TECPR2: variants seen among roughly 807,000 people sequenced by gnomAD.
TECPR2 encodes the protein tectonin beta-propeller repeat containing 2.
In TECPR2, 65 loss-of-function variants were observed where a neutral mutation model predicts 138.1. The observed-to-expected ratio is 0.47, with a 90% CI of 0.39 to 0.58. The LOEUF (loss-of-function observed/expected upper bound fraction) is 0.58. TECPR2 is among the 20% of genes least tolerant of loss of function. The pLI, the probability that TECPR2 is intolerant of heterozygous loss-of-function variation, is 0.00. For synonymous variants in TECPR2, 746 were observed against 749.8 expected, an observed-to-expected ratio of 0.99 and a Z score of 0.08; for missense variants, 1,553 against 1,824.5, an observed-to-expected ratio of 0.85 and a Z score of 2.71.
intron 17 of TECPR2, among the ~76,000 whole-genome samples, chr14:102,493,325 G>A (rs902120282): frequency 6.6e-6 from 1 of 152,034 alleles, no homozygotes; most frequent in Non-Finnish European, 1.5e-5. Context: ...TTCTCCACGC[G>A]GCCTTCCGAG....
chr14:102,447,128 G>A (rs1327362451), intron 13 of TECPR2, among the ~76,000 whole-genome samples: 2 of 152,192 alleles, frequency 1.3e-5, no homozygotes, highest in Non-Finnish European at 2.9e-5. Context: ...CCCAGCAAGA[G>A]CGCCTAGAAT....
rs1184951738 is a variant in TECPR2, at chr14:102,443,664, C to G, written c.2770C>G (p.Pro924Ala). Residue 924 changes from proline (P) to alanine (A), a missense_variant, in exon 12 of 20, where the codon CCT becomes GCT. Coordinates refer to ENST00000359520, the MANE Select transcript of TECPR2 (RefSeq NM_014844.5). The surrounding 1 kb of genome is among the most constrained non-coding windows in gnomAD (Gnocchi z 4.9). The part of the protein sequence containing the change: ...YLQTGLSVDR[P>A]CARAVKVDCP... ...CCTGGCAGGTCTGAGCGTGGATCGC[C>G]CTTGTGCCAGAGCCGTAAAGGTGGA... 5 of 1,598,566 alleles carry G rather than the reference C, an allele frequency of 3.1e-6. No individual in the cohort carries two copies. In the Admixed American group the frequency reaches 8.4e-5, roughly 27 times the overall value.
chr14:102,464,065 C>T (rs1890486587), intron 16 of TECPR2, among the ~76,000 whole-genome samples: 1 of 152,228 alleles, frequency 6.6e-6, no homozygotes, highest in African/African-American at 2.4e-5. Context: ...ACCTTAGATC[C>T]TCCTTTGCCT....
intron 2 of TECPR2, among the ~76,000 whole-genome samples, chr14:102,379,006 A>C (rs1416022437): frequency 6.6e-6 from 1 of 152,224 alleles, no homozygotes; most frequent in African/African-American, 2.4e-5. Context: ...TCGACTGATC[A>C]AATTCCCCAA....
At position 102,499,231 on chromosome 14, in the gene TECPR2, A is replaced by G. The variant is rs1473919293; in HGVS notation, c.*974A>G. On this transcript the variant is annotated 3_prime_UTR_variant, in exon 20 of 20. Transcript: ENST00000359520. ...CTGAGCAAGGGTCGCTCACTTAGAA[A>G]TGTCTTTGGAATGGTGTTTAACTAA... 2 of 687,172 alleles carry G rather than the reference A, an allele frequency of 2.9e-6. No homozygotes were observed. The highest frequency in any genetic ancestry group is 4.1e-5 in the Admixed American group (2 of 49,370). The allele number at this position is 687,172 out of a possible 1,614,324, so 42.6% of individuals were successfully genotyped here.
At chr14:102,389,376 T>C (rs1471216243) in intron 2 of TECPR2, among the ~76,000 whole-genome samples, 1 of 151,812 alleles carries the variant, frequency 6.6e-6, no homozygotes, top group African/African-American at 2.4e-5. Context: ...GCATATGAAA[T>C]TGTAGTGGGT....
chr14:102,382,409 C>G (rs1248013578), intron 2 of TECPR2, among the ~76,000 whole-genome samples: 1 of 152,110 alleles, frequency 6.6e-6, no homozygotes, highest in African/African-American at 2.4e-5. Flanking sequence ...CGTATATGTC[C>G]CTTAACAACA....
intron 17 of TECPR2, among the ~76,000 whole-genome samples, chr14:102,496,609 C>T (rs912826681): frequency 2.0e-5 from 3 of 152,170 alleles, no homozygotes; most frequent in East Asian, 3.9e-4. Flanking sequence ...GGCAGGGGCT[C>T]CTGGGCTGGC....
At chr14:102,452,730 A>G in intron 16 of TECPR2, 103 bp downstream of exon 16, 1 of 895,162 alleles carries the variant, frequency 1.1e-6, no homozygotes, top group Non-Finnish European at 1.7e-6. Context: ...CCAACCTGTG[A>G]GAGTTCTGAG....
chr14:102,425,321 G>C, intron 6 of TECPR2, 30 bp downstream of exon 6: 1 of 1,544,492 alleles, frequency 6.5e-7, no homozygotes, highest in Non-Finnish European at 8.7e-7. Context: ...CATATCTTCT[G>C]TGTCTATAGG....
intron 17 of TECPR2, among the ~76,000 whole-genome samples, chr14:102,489,703 CAAAAAA>C (rs35017559): frequency 1.5e-5 from 2 of 134,052 alleles, no homozygotes; most frequent in Admixed American, 7.6e-5. Flanking sequence ...AAAACTGTGT[CAAAAAA>C]AAAAAAAAAA....
intron 13 of TECPR2, among the ~76,000 whole-genome samples, chr14:102,446,254 A>T (rs1475666192): frequency 6.6e-6 from 1 of 151,484 alleles, no homozygotes; most frequent in African/African-American, 2.4e-5. Flanking sequence ...TTGTTTGTAG[A>T]GACAGGGTTT....
rs1889506722 is a variant in TECPR2, at chr14:102,431,986, T to G, written c.1275T>G (p.Pro425=). The G allele has an allele frequency of 1.2e-6, 2 of 1,612,626 alleles. No individual in the cohort carries two copies. Among genetic ancestry groups the G allele is most frequent in the Non-Finnish European group, 1.7e-6 (2 of 1,179,872 alleles). The change falls in exon 8 of 20, where the codon CCT becomes CCG. Residue 425 remains proline, a synonymous_variant. Coordinates refer to ENST00000359520, the MANE Select transcript of TECPR2 (RefSeq NM_014844.5). Reference sequence around the variant, plus strand: ...ACAGCGGCTCCGGGCTCCTGCCCCCTGGGCTCCAGGCCACCCCTGAGCTGG... The same window carrying G: ...ACAGCGGCTCCGGGCTCCTGCCCCCGGGGCTCCAGGCCACCCCTGAGCTGG... ...STDSGSGLLP[P]GLQATPELGK...
At chr14:102,493,322 C>T (rs568845164) in intron 17 of TECPR2, among the ~76,000 whole-genome samples, 17 of 152,274 alleles carry the variant, frequency 1.1e-4, no homozygotes, top group East Asian at 9.7e-4. Flanking sequence ...GTCTTCTCCA[C>T]GCGGCCTTCC....
chr14:102,462,253 C>T (rs935742670), intron 16 of TECPR2, among the ~76,000 whole-genome samples: 15 of 152,144 alleles, frequency 9.9e-5, no homozygotes, highest in African/African-American at 3.4e-4. Flanking sequence ...TTTTAATTAG[C>T]ATTTGTTTCT....
chr14:102,429,509 G>C (rs1402537598), intron 7 of TECPR2, among the ~76,000 whole-genome samples: 2 of 152,116 alleles, frequency 1.3e-5, no homozygotes, highest in Non-Finnish European at 2.9e-5. Context: ...AATGAGCAAA[G>C]AATCCTAATA....
intron 16 of TECPR2, among the ~76,000 whole-genome samples, chr14:102,463,769 C>T (rs1483097929): frequency 1.3e-5 from 2 of 151,794 alleles, no homozygotes; most frequent in Non-Finnish European, 2.9e-5. Context: ...ACTAAAAATA[C>T]AAAAATTAGC....
intron 9 of TECPR2, among the ~76,000 whole-genome samples, chr14:102,437,345 G>A (rs977573715): frequency 5.9e-5 from 9 of 152,178 alleles, no homozygotes; most frequent in African/African-American, 1.9e-4. Flanking sequence ...TCAGGAGTTC[G>A]AGACCAGCCT....
chr14:102,407,295 G>A lies in TECPR2; in HGVS notation c.220-43G>A, dbSNP rs549223397. On this transcript the variant is annotated intron_variant, in intron 2 of 19. Coordinates refer to ENST00000359520, the MANE Select transcript of TECPR2 (RefSeq NM_014844.5). Reference sequence around the variant, plus strand: ...GTCCTCCTTGTTTTACATTTTCAAAGCCTGCATAGTTACAGATTCATTTGT... The same window carrying A: ...GTCCTCCTTGTTTTACATTTTCAAAACCTGCATAGTTACAGATTCATTTGT... 22 of 1,548,812 alleles carry A rather than the reference G, an allele frequency of 1.4e-5. No individual in the cohort carries two copies. The African/African-American group carries it at 2.8e-4, about 19-fold the overall frequency.
Sources: gnomAD v4.1 joint callset for allele counts (sites outside exome capture counted in the v4.1 genomes callset) on GRCh38, gnomAD v4.1.1 for gene constraint, Gnocchi (gnomAD v3.1) non-coding constraint, MANE v1.5 for transcripts, NCBI Gene and HGNC (gene_info 2026-07-23, HGNC 2026-07-21) for gene names.